TENM2: variants seen among roughly 807,000 people sequenced by gnomAD.
TENM2 encodes the protein teneurin transmembrane protein 2.
Under a neutral mutation model 245.2 loss-of-function variants are expected in TENM2, and 52 were observed. That is an observed-to-expected ratio of 0.21 (90% CI 0.17 to 0.27). TENM2 has a LOEUF of 0.27. Ranked by LOEUF, TENM2 falls within the 10% of genes least tolerant of loss-of-function variation. The probability of loss-of-function intolerance (pLI) is 1.00; values close to 1 mark genes in which losing one functional copy is unlikely to be tolerated. For missense variants in TENM2, 3,046 were observed against 3,666.8 expected, an observed-to-expected ratio of 0.83 and a Z score of 4.37; for synonymous variants, 1,363 against 1,438.9, an observed-to-expected ratio of 0.95 and a Z score of 1.19.
At chr5:167,894,985 GGAAGGAGGGAA>G (rs1561906875) in intron 3 of TENM2, among the ~76,000 whole-genome samples, 62 of 135,854 alleles carry the variant, frequency 4.6e-4, no homozygotes, top group East Asian at 2.7e-3. Flanking sequence ...AAGGAAGGAA[GGAAGGAGGGAA>G]GGAAGGAAGG....
chr5:167,646,346 G>A (rs1157970511), intron 2 of TENM2, among the ~76,000 whole-genome samples: 1 of 151,120 alleles, frequency 6.6e-6, no homozygotes, highest in Non-Finnish European at 1.5e-5. Context: ...TTATCCTTGG[G>A]TATTATTTTC....
the TENM2 span, among the ~76,000 whole-genome samples, chr5:167,049,867 G>A: frequency 6.6e-6 from 1 of 152,116 alleles, no homozygotes; most frequent in South Asian, 2.1e-4. Flanking sequence ...ACTGTGCTAG[G>A]TAGTCCTTAG....
chr5:167,954,818 T>C (rs1376491863), intron 4 of TENM2, among the ~76,000 whole-genome samples: 4 of 152,236 alleles, frequency 2.6e-5, no homozygotes, highest in African/African-American at 9.6e-5. Context: ...TATGGCTGCA[T>C]AGTATTCCAT....
At chr5:167,132,450 G>A in the TENM2 span, among the ~76,000 whole-genome samples, 1 of 152,134 alleles carries the variant, frequency 6.6e-6, no homozygotes, top group Non-Finnish European at 1.5e-5. Flanking sequence ...GGCTGTGGTT[G>A]AGCATTTTTT....
At chr5:167,839,779 A>G (rs983681954) in intron 2 of TENM2, among the ~76,000 whole-genome samples, 5 of 152,142 alleles carry the variant, frequency 3.3e-5, no homozygotes, top group African/African-American at 1.2e-4. Flanking sequence ...AAATTTTCCA[A>G]TGTTAGGAAA....
intron 5 of TENM2, among the ~76,000 whole-genome samples, chr5:168,011,674 G>T (rs1785231634): frequency 6.6e-6 from 1 of 152,078 alleles, no homozygotes; most frequent in South Asian, 2.1e-4. Flanking sequence ...CCCCTTCACA[G>T]AAACAAGCTG....
intron 8 of TENM2, among the ~76,000 whole-genome samples, chr5:168,096,682 C>T (rs1793396429): frequency 6.6e-6 from 1 of 152,158 alleles, no homozygotes; most frequent in Non-Finnish European, 1.5e-5. Context: ...CTCTCAGGTA[C>T]CTCCATTAGG....
intron 2 of TENM2, among the ~76,000 whole-genome samples, chr5:167,596,916 C>T (rs890981596): frequency 4.6e-5 from 7 of 152,032 alleles, no homozygotes; most frequent in East Asian, 1.9e-4. Context: ...AGTTCACCTT[C>T]GGGGGACACA....
At chr5:168,007,032 A>G (rs543618731) in intron 5 of TENM2, among the ~76,000 whole-genome samples, 1 of 152,092 alleles carries the variant, frequency 6.6e-6, no homozygotes, top group Non-Finnish European at 1.5e-5. Flanking sequence ...GATTGTATGA[A>G]GTTTTATTTT....
chr5:168,103,868 A>T (rs1794022666), intron 9 of TENM2, among the ~76,000 whole-genome samples: 1 of 152,170 alleles, frequency 6.6e-6, no homozygotes, highest in Non-Finnish European at 1.5e-5. Flanking sequence ...GTTGGCAGGG[A>T]GTAACCCTGA....
the TENM2 span, among the ~76,000 whole-genome samples, chr5:167,020,175 C>T: frequency 6.6e-6 from 1 of 152,136 alleles, no homozygotes. Flanking sequence ...TAAAATTTTG[C>T]TCACAAACAC....
At chr5:167,031,190 T>C in the TENM2 span, among the ~76,000 whole-genome samples, 2 of 152,234 alleles carry the variant, frequency 1.3e-5, no homozygotes, top group Admixed American at 1.3e-4. Context: ...TACAAAATAG[T>C]GTTTAAGTCT....
intron 2 of TENM2, among the ~76,000 whole-genome samples, chr5:167,640,870 T>TATATATATATATATCC (rs1779534742): frequency 4.9e-5 from 2 of 40,414 alleles, no homozygotes; most frequent in African/African-American, 5.2e-4. Context: ...CATATATATA[T>TATATATATATATATCC]ATATATATAT....
chr5:168,120,871 C>T (rs968184966), intron 10 of TENM2, among the ~76,000 whole-genome samples: 1 of 152,110 alleles, frequency 6.6e-6, no homozygotes, highest in Non-Finnish European at 1.5e-5. Context: ...CTTCGTTTTT[C>T]CTGCATAAAC....
At position 167,647,926 on chromosome 5, in the gene TENM2, C is replaced by T. The variant is rs183089233; in HGVS notation, c.503-228060C>T. ...TTCGGTACAGTTTCACTGCAAGTCG[C>T]CCTGAAGTTTTGTTTCAAAGAGTGC... On this transcript the variant is annotated intron_variant, in intron 2 of 28. Transcript: ENST00000518659. Among the ~76,000 whole-genome samples, 483 of 152,294 alleles carry T rather than the reference C, an allele frequency of 3.2e-3. 2 individuals carry two copies. Among genetic ancestry groups the T allele is most frequent in the African/African-American group, 0.011 (453 of 41,566 alleles).
At chr5:168,091,273 A>C (rs542950782) in intron 8 of TENM2, among the ~76,000 whole-genome samples, 1 of 152,336 alleles carries the variant, frequency 6.6e-6, no homozygotes, top group Non-Finnish European at 1.5e-5. Flanking sequence ...AAATCAGAGA[A>C]ATTATATAGA....
At chr5:167,153,799 G>GA in the TENM2 span, among the ~76,000 whole-genome samples, 126 of 151,362 alleles carry the variant, frequency 8.3e-4, 1 homozygote, top group South Asian at 0.011. Flanking sequence ...TAAAAAAACT[G>GA]AAAAAAACAA....
chr5:167,501,704 G>C (rs374350347), intron 2 of TENM2, among the ~76,000 whole-genome samples: 1 of 152,148 alleles, frequency 6.6e-6, no homozygotes, highest in African/African-American at 2.4e-5. Context: ...GTGAGGACTT[G>C]TTACCTCAAT....
exon 9 of TENM2, chr5:168,098,064 G>T (rs1339938610): frequency 9.3e-6 from 15 of 1,613,664 alleles, no homozygotes; most frequent in Non-Finnish European, 1.3e-5. Context: ...CCATGGGAAT[G>T]GTGAATGTGT....
Sources: gnomAD v4.1 joint callset for allele counts (sites outside exome capture counted in the v4.1 genomes callset) on GRCh38, gnomAD v4.1.1 for gene constraint, MANE v1.5 for transcripts, NCBI Gene and HGNC (gene_info 2026-07-23, HGNC 2026-07-21) for gene names.